Variants in ECH1 observed in about 807,000 individuals in gnomAD.
ECH1 encodes delta(3,5)-Delta(2,4)-dienoyl-CoA isomerase, mitochondrial.
Under a neutral mutation model 37.0 loss-of-function variants are expected in ECH1, and 30 were observed. That is an observed-to-expected ratio of 0.81 (90% CI 0.61 to 1.10). The LOEUF (loss-of-function observed/expected upper bound fraction) is 1.10, where lower values mean the gene tolerates loss of function less well. Among genes scored for constraint, ECH1 ranks in the 50% least tolerant of loss-of-function variants. The pLI is 0.00. For synonymous variants in ECH1, 178 were observed against 176.0 expected (o/e 1.01, Z -0.09); for missense variants, 456 against 441.6 (o/e 1.03, Z -0.29).
intron 3 of ECH1, among the ~76,000 whole-genome samples, chr19:38,830,255 G>A (rs1971799105): frequency 6.6e-6 from 1 of 152,226 alleles, no homozygotes; most frequent in South Asian, 2.1e-4. Context: ...GAAAAGGTCA[G>A]TGGGTCAATC....
chr19:38,816,069 C>T (rs1306611848), intron 8 of ECH1, 62 bp from the exon 9 acceptor site: 2 of 1,599,070 alleles, frequency 1.3e-6, no homozygotes, highest in Non-Finnish European at 1.7e-6. Flanking sequence ...CAGCCTCCCG[C>T]AGATGAAGAA....
chr19:38,828,233 C>A (rs1971765632), intron 3 of ECH1, among the ~76,000 whole-genome samples: 1 of 152,018 alleles, frequency 6.6e-6, no homozygotes, highest in South Asian at 2.1e-4. Flanking sequence ...GAAAGTGAAG[C>A]CGTTTTCTTT....
chr19:38,815,905 G>A lies in ECH1; in HGVS notation c.834C>T (p.Asn278=), dbSNP rs1971566989. Residue 278 remains asparagine (N), a synonymous_variant, in exon 9 of 10, where the codon AAC becomes AAT. Coordinates refer to ENST00000221418, the MANE Select transcript of ECH1 (RefSeq NM_001398.3). ...SPVAVQSTKV[N]LLYSRDHSVA... is the part of the protein sequence containing the mutation. ...CCGAATGGTCGCGGGAATACAGCAGGTTGACCTTGGTGCTCTGCACCGCCA... is the reference window on the plus strand; with the variant it reads ...CCGAATGGTCGCGGGAATACAGCAGATTGACCTTGGTGCTCTGCACCGCCA... 2 of 1,614,076 alleles carry A rather than the reference G, an allele frequency of 1.2e-6. No homozygotes were observed. The highest frequency in any genetic ancestry group is 2.7e-5 in the African/African-American group (2 of 74,932).
chr19:38,816,124 C>T, intron 8 of ECH1, 117 bp from the exon 9 acceptor site: 1 of 1,500,218 alleles, frequency 6.7e-7, no homozygotes, highest in Non-Finnish European at 9.0e-7. Flanking sequence ...AGAAACAGCC[C>T]AATCAGAGCA....
At chr19:38,830,455 C>T (rs776159946) in intron 3 of ECH1, among the ~76,000 whole-genome samples, 2 of 152,044 alleles carry the variant, frequency 1.3e-5, no homozygotes, top group Non-Finnish European at 2.9e-5. Flanking sequence ...CAGACTAATA[C>T]TTATATTTGA....
At chr19:38,821,161 C>G (rs2145375532) in intron 3 of ECH1, among the ~76,000 whole-genome samples, 1 of 152,140 alleles carries the variant, frequency 6.6e-6, no homozygotes, top group South Asian at 2.1e-4. Flanking sequence ...ACCTGTGGTC[C>G]CAGCTACTTG....
intron 3 of ECH1, among the ~76,000 whole-genome samples, chr19:38,826,690 GC>G (rs1476913774): frequency 6.6e-6 from 1 of 152,118 alleles, no homozygotes; most frequent in Non-Finnish European, 1.5e-5. Flanking sequence ...GTTTCTCTTT[GC>G]CTTTGAGGAT....
intron 3 of ECH1, among the ~76,000 whole-genome samples, chr19:38,818,931 G>GTGTGTGTGTA (rs1568357387): frequency 7.9e-6 from 1 of 127,138 alleles, no homozygotes; most frequent in Non-Finnish European, 1.8e-5. Flanking sequence ...GTGTGTGTGT[G>GTGTGTGTGTA]TGCACTGTTC....
Position 38,817,464 on chromosome 19 carries a change from T to C in ECH1, c.461A>G (p.Asn154Ser), listed in dbSNP as rs761857633. The C allele has an allele frequency of 1.2e-5, 20 of 1,613,776 alleles. No homozygotes were observed. Among genetic ancestry groups the C allele is most frequent in the Admixed American group, 3.3e-5 (2 of 59,956 alleles). The change falls in exon 4 of 10, where the codon AAC becomes AGC. Residue 154 changes from asparagine (N) to serine (S), a missense_variant. Asn to Ser is a conservative substitution (Grantham distance 46, BLOSUM62 1). Transcript: ENST00000221418. Reference protein sequence around the residue: ...DIITRYQETFNVIERCPKPVI... With the variant: ...DIITRYQETFSVIERCPKPVI... ...CCCTAGAGTCACCCTCTCGATGACG[T>C]TGAAGGTCTCCTGGTATCGAGTGAT...
chr19:38,830,913 G>A (rs890788970), intron 3 of ECH1, 165 bp downstream of exon 3: 41 of 625,016 alleles, frequency 6.6e-5, no homozygotes, highest in Admixed American at 2.3e-4. Flanking sequence ...CTGAGATTGC[G>A]CTACTGCACT....
intron 1 of ECH1, 87 bp from the exon 2 acceptor site, chr19:38,831,603 G>C: frequency 6.5e-7 from 1 of 1,550,002 alleles, no homozygotes. Flanking sequence ...GGGAGCACAC[G>C]CACCCCTGAA....
In ECH1 at chr19:38,816,465, A is replaced by G. The variant is rs1398985158; in HGVS notation, c.647T>C (p.Ile216Thr). 6.8e-6 allele frequency: 11 copies of G among 1,614,078 alleles called. No individual in the cohort carries two copies. Residue 216 changes from isoleucine (I) to threonine (T), a missense_variant, in exon 7 of 10, where the codon ATC becomes ACC. Ile to Thr is a moderately conservative substitution (Grantham distance 89, BLOSUM62 -1). Coordinates refer to ENST00000221418, the MANE Select transcript of ECH1 (RefSeq NM_001398.3). The part of the protein sequence containing the change: ...VGTLQRLPKV[I>T]GNQSLVNELA... ...CCCCTGCACCCACCTCTGGTTCCCGATGACCTTGGGCAGGCGCTGCAGTGT... is the reference window on the plus strand; with the variant it reads ...CCCCTGCACCCACCTCTGGTTCCCGGTGACCTTGGGCAGGCGCTGCAGTGT...
At chr19:38,829,069 G>C (rs1971779007) in intron 3 of ECH1, among the ~76,000 whole-genome samples, 1 of 151,160 alleles carries the variant, frequency 6.6e-6, no homozygotes, top group South Asian at 2.1e-4. Context: ...CCGATCACTG[G>C]AGGCCAGGAG....
At chr19:38,825,889 C>G (rs1390830213) in intron 3 of ECH1, among the ~76,000 whole-genome samples, 1 of 152,228 alleles carries the variant, frequency 6.6e-6, no homozygotes, top group African/African-American at 2.4e-5. Context: ...GATCCAACAA[C>G]AGGACAGAGG....
intron 6 of ECH1, 135 bp downstream of exon 6, chr19:38,816,930 G>C: frequency 9.7e-7 from 1 of 1,032,102 alleles, no homozygotes; most frequent in South Asian, 1.5e-5. Context: ...TTCACCTCTT[G>C]ACTTCCTCTA....
intron 3 of ECH1, among the ~76,000 whole-genome samples, chr19:38,818,790 CCCT>C (rs1199322791): frequency 1.3e-5 from 2 of 152,156 alleles, no homozygotes; most frequent in Admixed American, 1.3e-4. Context: ...CCGGCCCAGA[CCCT>C]CTTTTTCCCA....
rs769851105 is a variant in ECH1, at chr19:38,831,157, T to C, written c.270A>G (p.Val90=). 1.9e-6 allele frequency: 3 copies of C among 1,614,088 alleles called. No individual in the cohort carries two copies. Among genetic ancestry groups the C allele is most frequent in the Non-Finnish European group, 2.5e-6 (3 of 1,180,008 alleles). The change falls in exon 3 of 10, where the codon GTA becomes GTG. Residue 90 remains valine, a synonymous_variant. Coordinates refer to ENST00000221418, the MANE Select transcript of ECH1 (RefSeq NM_001398.3). ...AMNKVFWREM[V]ECFNKISRDA... ...CTCTCGAAATCTTGTTGAAGCACTC[T>C]ACCATCTCTCTGTGAAGCAACGAGT...
intron 3 of ECH1, chr19:38,818,493 AT>A (rs929495812): frequency 5.6e-5 from 36 of 639,176 alleles, no homozygotes; most frequent in East Asian, 1.4e-4. Flanking sequence ...TTTTTATTTT[AT>A]TTTTTTTATT....
In ECH1 at chr19:38,815,823, G is replaced by T. The variant is rs1425249179; in HGVS notation, c.882+34C>A. On this transcript the variant is annotated intron_variant, in intron 9 of 9. Transcript: ENST00000221418. The stretch of plus-strand genomic sequence containing the variant: ...CCCTGGTTGGTCGCCTGGGGTTAGA[G>T]GAGGGCTGTGATTGGTCGGAGCGTG... 4 of 1,613,632 alleles carry T rather than the reference G, an allele frequency of 2.5e-6. No individual in the cohort carries two copies. The African/African-American group carries it at 5.3e-5, about 22-fold the overall frequency.
Sources: gnomAD v4.1 joint callset for allele counts (sites outside exome capture counted in the v4.1 genomes callset) on GRCh38, gnomAD v4.1.1 for gene constraint, MANE v1.5 for transcripts, NCBI Gene and HGNC (gene_info 2026-07-23, HGNC 2026-07-21) for gene names.